Variants in DPYD observed in about 807,000 individuals in gnomAD.
The protein encoded by DPYD is dihydropyrimidine dehydrogenase [NADP(+)].
DPYD carries 109 observed loss-of-function variants against 116.2 expected under a neutral mutation model. The ratio of observed to expected loss-of-function variants is 0.94; its 90% CI spans 0.80 to 1.10. The LOEUF (loss-of-function observed/expected upper bound fraction) is 1.10. Among genes scored for constraint, DPYD ranks in the 50% least tolerant of loss-of-function variants. The pLI, the probability that DPYD is intolerant of heterozygous loss-of-function variation, is 0.00. For missense variants in DPYD, 1,302 were observed against 1,254.5 expected (o/e 1.04, Z -0.57); for synonymous variants, 440 against 432.0 (o/e 1.02, Z -0.23).
chr1:97,639,583 T>C (rs1429024626), intron 8 of DPYD, among the ~76,000 whole-genome samples: 1 of 152,142 alleles, frequency 6.6e-6, no homozygotes, highest in East Asian at 1.9e-4. Flanking sequence ...ATCTCCTTCC[T>C]AGTGATAATT....
intron 12 of DPYD, among the ~76,000 whole-genome samples, chr1:97,531,125 C>T (rs189508592): frequency 1.3e-5 from 2 of 152,234 alleles, no homozygotes; most frequent in East Asian, 3.9e-4. Context: ...TTGTTGTAAT[C>T]TCACTTAATC....
rs187068623 is a variant in DPYD, at chr1:97,753,963, A to T, written c.234-13484T>A. 3.8e-4 allele frequency among the ~76,000 whole-genome samples: 58 copies of T among 152,280 alleles called. No individual in the cohort carries two copies. The Middle Eastern group carries it at 0.031, about 80-fold the overall frequency. ...CTCAGAACAAAATTGTCCCCATTAA[A>T]ACTATTGTGTGGGACCACTATAACC... On this transcript the variant is annotated intron_variant, in intron 3 of 22. Transcript: ENST00000370192.
At chr1:97,352,905 A>G (rs893805908) in intron 16 of DPYD, among the ~76,000 whole-genome samples, 7 of 152,182 alleles carry the variant, frequency 4.6e-5, no homozygotes, top group African/African-American at 1.7e-4. Flanking sequence ...GAGAAAGAAA[A>G]GTAAGGCAAA....
intron 8 of DPYD, among the ~76,000 whole-genome samples, chr1:97,614,248 A>G (rs919994449): frequency 6.6e-6 from 1 of 152,090 alleles, no homozygotes; most frequent in Non-Finnish European, 1.5e-5. Flanking sequence ...AATTATAAAG[A>G]TATAGGTAAG....
At chr1:97,788,063 T>A (rs1667133326) in intron 3 of DPYD, among the ~76,000 whole-genome samples, 1 of 152,180 alleles carries the variant, frequency 6.6e-6, no homozygotes, top group African/African-American at 2.4e-5. Flanking sequence ...TCCCTGTATG[T>A]CCGTGATATT....
At chr1:97,475,219 T>C (rs569480444) in intron 13 of DPYD, among the ~76,000 whole-genome samples, 40 of 152,208 alleles carry the variant, frequency 2.6e-4, no homozygotes, top group African/African-American at 9.1e-4. Context: ...TATTCATCAA[T>C]TGACATAGGA....
chr1:97,194,606 G>A (rs1354277293), intron 19 of DPYD, among the ~76,000 whole-genome samples: 1 of 152,038 alleles, frequency 6.6e-6, no homozygotes, highest in Non-Finnish European at 1.5e-5. Context: ...CCGGGTTCAA[G>A]CAATTCTCCT....
intron 18 of DPYD, among the ~76,000 whole-genome samples, chr1:97,255,248 A>G (rs1663370715): frequency 2.0e-5 from 3 of 152,204 alleles, no homozygotes; most frequent in Non-Finnish European, 4.4e-5. Context: ...GCATACACTT[A>G]TACAGCACTT....
At chr1:97,522,009 G>T (rs1463621018) in intron 12 of DPYD, among the ~76,000 whole-genome samples, 4 of 152,128 alleles carry the variant, frequency 2.6e-5, no homozygotes, top group Non-Finnish European at 5.9e-5. Context: ...CAGACTTCAT[G>T]ACTAAAACAC....
intron 16 of DPYD, among the ~76,000 whole-genome samples, chr1:97,317,639 G>A (rs978479921): frequency 6.6e-6 from 1 of 151,950 alleles, no homozygotes; most frequent in East Asian, 1.9e-4. Flanking sequence ...ACAACCACAA[G>A]CATAAAACCT....
chr1:97,785,304 T>C (rs1447925365), intron 3 of DPYD, among the ~76,000 whole-genome samples: 1 of 152,156 alleles, frequency 6.6e-6, no homozygotes, highest in East Asian at 1.9e-4. Flanking sequence ...AAGGTAAAAA[T>C]CTATCTCCCT....
chr1:97,152,977 A>G (rs1236105729), intron 20 of DPYD, among the ~76,000 whole-genome samples: 1 of 152,124 alleles, frequency 6.6e-6, no homozygotes, highest in African/African-American at 2.4e-5. Context: ...AAACACTTAA[A>G]AACACTAGAG....
At chr1:97,082,920 A>G (rs1347385773) in intron 21 of DPYD, among the ~76,000 whole-genome samples, 1 of 152,144 alleles carries the variant, frequency 6.6e-6, no homozygotes, top group East Asian at 1.9e-4. Flanking sequence ...TTATGCATTT[A>G]TTTCACTGCA....
intron 18 of DPYD, among the ~76,000 whole-genome samples, chr1:97,304,366 T>C (rs1470666777): frequency 6.6e-6 from 1 of 152,020 alleles, no homozygotes; most frequent in Non-Finnish European, 1.5e-5. Flanking sequence ...TTCTTCTTTC[T>C]GACATTGTGG....
chr1:97,765,409 G>GGAGCTATTCAGGTAT (rs1665793701), intron 3 of DPYD, among the ~76,000 whole-genome samples: 1 of 152,114 alleles, frequency 6.6e-6, no homozygotes, highest in Non-Finnish European at 1.5e-5. Context: ...GCAGATCACT[G>GGAGCTATTCAGGTAT]GAGCTATTCA....
At chr1:97,675,753 T>C (rs914926715) in intron 8 of DPYD, among the ~76,000 whole-genome samples, 10 of 145,166 alleles carry the variant, frequency 6.9e-5, no homozygotes, top group South Asian at 2.1e-4. Flanking sequence ...AAGTATCTCT[T>C]TTTTTTTTTT....
At chr1:97,841,855 C>T (rs983260315) in intron 2 of DPYD, among the ~76,000 whole-genome samples, 2 of 151,854 alleles carry the variant, frequency 1.3e-5, no homozygotes, top group Non-Finnish European at 2.9e-5. Context: ...AAATAGAATG[C>T]AATCTCTAGG....
intron 1 of DPYD, among the ~76,000 whole-genome samples, chr1:97,904,878 T>C (rs1008874633): frequency 6.6e-6 from 1 of 151,998 alleles, no homozygotes; most frequent in African/African-American, 2.4e-5. Context: ...GTACTCAAAA[T>C]TCCATATCAA....
chr1:97,566,744 A>ACT (rs1652546038), intron 11 of DPYD, among the ~76,000 whole-genome samples: 1 of 152,138 alleles, frequency 6.6e-6, no homozygotes, highest in Admixed American at 6.6e-5. Context: ...TGAAGGTCAT[A>ACT]AAGAGTGGTT....
Sources: gnomAD v4.1 joint callset for allele counts (sites outside exome capture counted in the v4.1 genomes callset) on GRCh38, gnomAD v4.1.1 for gene constraint, MANE v1.5 for transcripts, NCBI Gene and HGNC (gene_info 2026-07-23, HGNC 2026-07-21) for gene names.